Variants in DIO1 observed in about 807,000 individuals in gnomAD.
DIO1 encodes iodothyronine deiodinase 1, also known as type I iodothyronine deiodinase.
In DIO1, 17 loss-of-function variants were observed where a neutral mutation model predicts 25.9. That is an observed-to-expected ratio of 0.66 (90% CI 0.45 to 0.98). The LOEUF (loss-of-function observed/expected upper bound fraction) is 0.98, where lower values mean the gene tolerates loss of function less well. DIO1 is among the 50% of genes least tolerant of loss of function. The pLI, the probability that DIO1 is intolerant of heterozygous loss-of-function variation, is 0.00. For synonymous variants in DIO1, 115 were observed against 114.0 expected (o/e 1.01, Z -0.05); for missense variants, 270 against 310.4 (o/e 0.87, Z 0.98).
intron 2 of DIO1, 66 bp from the exon 3 acceptor site, chr1:53,906,029 G>A: frequency 6.8e-7 from 1 of 1,475,974 alleles, no homozygotes. Flanking sequence ...AAAGTGAGGG[G>A]CTATTTAGTC....
chr1:53,896,210 C>CTTTTTTT (rs199555423), intron 1 of DIO1, among the ~76,000 whole-genome samples: 27 of 103,568 alleles, frequency 2.6e-4, no homozygotes, highest in South Asian at 7.0e-4. Flanking sequence ...TTCTTTTTCT[C>CTTTTTTT]TTTTTTTTTT....
At chr1:53,904,972 G>T in intron 2 of DIO1, 163 bp downstream of exon 2, 1 of 677,770 alleles carries the variant, frequency 1.5e-6, no homozygotes, top group Non-Finnish European at 2.4e-6. Context: ...CCCTGCACTG[G>T]GCTAACCTCA....
intron 3 of DIO1, 77 bp from the exon 4 acceptor site, chr1:53,909,850 CAACT>C (rs1651857079): frequency 1.4e-6 from 2 of 1,385,984 alleles, no homozygotes; most frequent in Non-Finnish European, 2.1e-6. Context: ...CCACCTCTTG[CAACT>C]AACCTCCAGA....
At chr1:53,909,883 C>T (rs1651859039) in intron 3 of DIO1, 48 bp from the exon 4 acceptor site, 3 of 1,589,070 alleles carry the variant, frequency 1.9e-6, no homozygotes, top group Non-Finnish European at 2.6e-6. Flanking sequence ...TTCCTTACAA[C>T]TTGGAAATCC....
In DIO1 at chr1:53,910,769, G is replaced by A. The variant is rs147245009; in HGVS notation, c.*770G>A. 1.3e-5 allele frequency: 2 copies of A among 152,428 alleles called. No homozygotes were observed. The highest frequency in any genetic ancestry group is 2.9e-5 in the Non-Finnish European group (2 of 68,034). 9.4% of individuals were successfully genotyped at this position (152,428 alleles called of 1,614,324 possible). A position where few individuals can be genotyped will look rare whatever the true frequency, so the allele number is the denominator to read the frequency against. ...ACTTTTCAACAGAGTCATCTAGAAG[G>A]GAGGGTTGGCTTCCCAAAAGCATAA... On this transcript the variant is annotated 3_prime_UTR_variant, in exon 4 of 4. Transcript: ENST00000361921.
intron 3 of DIO1, among the ~76,000 whole-genome samples, chr1:53,909,123 A>G (rs1191020606): frequency 2.8e-5 from 4 of 144,796 alleles, no homozygotes; most frequent in African/African-American, 5.2e-5. Flanking sequence ...AAGAAAGTTC[A>G]CTGGTTCCAT....
intron 2 of DIO1, 36 bp downstream of exon 2, chr1:53,904,845 C>CA (rs1321252576): frequency 6.3e-7 from 1 of 1,591,300 alleles, no homozygotes; most frequent in Non-Finnish European, 8.6e-7. Flanking sequence ...TACCTCTTCC[C>CA]ACTGTCTTTT....
Position 53,910,236 on chromosome 1 carries a change from C to G in DIO1, c.*237C>G, listed in dbSNP as rs1450818449. ...CACTTGAGCTGTTCAGGCCAGTTCC[C>G]TGTTGAAGAAACAGTTCCCTGTTGA... On this transcript the variant is annotated 3_prime_UTR_variant, in exon 4 of 4. Coordinates refer to ENST00000361921, the MANE Select transcript of DIO1 (RefSeq NM_000792.7). 2.3e-5 allele frequency: 12 copies of G among 513,182 alleles called. No homozygotes were observed. The highest frequency in any genetic ancestry group is 4.2e-5 in the Non-Finnish European group (12 of 283,374). The allele number at this position is 513,182 out of a possible 1,614,324, so 31.8% of individuals were successfully genotyped here. A position where few individuals can be genotyped will look rare whatever the true frequency, so the allele number is the denominator to read the frequency against.
chr1:53,901,239 T>C (rs1651344159), intron 1 of DIO1, among the ~76,000 whole-genome samples: 1 of 152,146 alleles, frequency 6.6e-6, no homozygotes, highest in African/African-American at 2.4e-5. Flanking sequence ...TCTTCAAGTG[T>C]AAATCTGGTT....
chr1:53,895,221 G>A (rs991000669), intron 1 of DIO1, among the ~76,000 whole-genome samples: 4 of 152,108 alleles, frequency 2.6e-5, no homozygotes, highest in Non-Finnish European at 4.4e-5. Context: ...TCAGGAGTTC[G>A]AGACCATCCT....
At chr1:53,895,259 C>T (rs932458319) in intron 1 of DIO1, among the ~76,000 whole-genome samples, 2 of 152,176 alleles carry the variant, frequency 1.3e-5, no homozygotes, top group African/African-American at 2.4e-5. Flanking sequence ...CCCGTCTCTA[C>T]TAAAAATACA....
At chr1:53,905,002 G>A (rs1382932779) in intron 2 of DIO1, 193 bp downstream of exon 2, 2 of 550,986 alleles carry the variant, frequency 3.6e-6, no homozygotes, top group Non-Finnish European at 6.3e-6. Flanking sequence ...CTTTCAACCA[G>A]GGTACAGAGA....
intron 3 of DIO1, among the ~76,000 whole-genome samples, chr1:53,906,985 G>T (rs1182072970): frequency 1.3e-5 from 2 of 152,142 alleles, no homozygotes; most frequent in East Asian, 3.9e-4. Flanking sequence ...GTTCAGAGAG[G>T]GGAATTGACT....
intron 1 of DIO1, chr1:53,902,993 T>C (rs972725400): frequency 6.6e-6 from 1 of 152,134 alleles, no homozygotes; most frequent in African/African-American, 2.5e-5. Flanking sequence ...CACAGGCTCC[T>C]GCCTTCCACA....
chr1:53,904,677 C>T lies in DIO1; in HGVS notation c.349C>T (p.Leu117=). ...IWEFMQGNRP[L]VLNFGSCTUP... Reference sequence around the variant, plus strand: ...TGTTGCTGTTTCAGGTAATAGGCCACTGGTGCTGAATTTTGGAAGTTGTAC... The same window carrying T: ...TGTTGCTGTTTCAGGTAATAGGCCATTGGTGCTGAATTTTGGAAGTTGTAC... The change falls in exon 2 of 4, where the codon CTG becomes TTG. Residue 117 remains leucine, a synonymous_variant. Transcript: ENST00000361921. 1.2e-6 allele frequency: 2 copies of T among 1,613,530 alleles called. No individual in the cohort carries two copies. Among genetic ancestry groups the T allele is most frequent in the South Asian group, 2.2e-5 (2 of 90,912 alleles).
chr1:53,900,969 C>CA (rs1279875811), intron 1 of DIO1, among the ~76,000 whole-genome samples: 2 of 141,636 alleles, frequency 1.4e-5, no homozygotes, highest in Non-Finnish European at 3.0e-5. Context: ...CACACCCTAC[C>CA]AGGGCCAGCT....
At chr1:53,903,117 G>C (rs1464143857) in intron 1 of DIO1, 1 of 152,004 alleles carries the variant, frequency 6.6e-6, no homozygotes, top group Non-Finnish European at 1.5e-5. Flanking sequence ...AGTGGGCCTG[G>C]ATACAGACAT....
chr1:53,900,945 G>A (rs2100767266), intron 1 of DIO1, among the ~76,000 whole-genome samples: 1 of 147,424 alleles, frequency 6.8e-6, no homozygotes, highest in Admixed American at 6.8e-5. Context: ...CTCTTGAGTA[G>A]CTGGGACTAC....
In DIO1 at chr1:53,910,289, C is replaced by T. The variant is rs913737294; in HGVS notation, c.*290C>T. On this transcript the variant is annotated 3_prime_UTR_variant, in exon 4 of 4. Coordinates refer to ENST00000361921, the MANE Select transcript of DIO1 (RefSeq NM_000792.7). The stretch of plus-strand genomic sequence containing the variant: ...AAAGTAGAGCCTGACACTGCTCCCA[C>T]TTTGGAGACCACATTCCCTGCACAC... 2 of 403,350 alleles carry T rather than the reference C, an allele frequency of 5.0e-6. No individual in the cohort carries two copies. Among genetic ancestry groups the T allele is most frequent in the Non-Finnish European group, 4.6e-6 (1 of 216,196 alleles). 25.0% of individuals were successfully genotyped at this position (403,350 alleles called of 1,614,324 possible).
Sources: gnomAD v4.1 joint callset for allele counts (sites outside exome capture counted in the v4.1 genomes callset) on GRCh38, gnomAD v4.1.1 for gene constraint, MANE v1.5 for transcripts, NCBI Gene and HGNC (gene_info 2026-07-23, HGNC 2026-07-21) for gene names.